Variants in ATP6V0A4 observed in about 807,000 individuals in gnomAD.
ATP6V0A4 encodes the protein ATPase H+ transporting V0 subunit a4.
Under a neutral mutation model 107.3 loss-of-function variants are expected in ATP6V0A4, and 86 were observed. The observed-to-expected ratio is 0.80, with a 90% CI of 0.67 to 0.96. ATP6V0A4 has a LOEUF of 0.96. Ranked by LOEUF, ATP6V0A4 falls within the 40% of genes least tolerant of loss-of-function variation. The pLI, the probability that ATP6V0A4 is intolerant of heterozygous loss-of-function variation, is 0.00. For missense variants in ATP6V0A4, 908 were observed against 1,045.6 expected, an observed-to-expected ratio of 0.87 and a Z score of 1.81; for synonymous variants, 353 against 381.4, an observed-to-expected ratio of 0.93 and a Z score of 0.87.
At chr7:138,785,002 G>A (rs1808114508) in intron 2 of ATP6V0A4, among the ~76,000 whole-genome samples, 1 of 152,122 alleles carries the variant, frequency 6.6e-6, no homozygotes, top group African/African-American at 2.4e-5. Flanking sequence ...CCCAGGATTA[G>A]GAAAATATTG....
chr7:138,711,484 C>T lies in ATP6V0A4; in HGVS notation c.2258-1689G>A, dbSNP rs192435800. Among the ~76,000 whole-genome samples, 4 of 152,062 alleles carry T rather than the reference C, an allele frequency of 2.6e-5. No individual in the cohort carries two copies. The East Asian group carries it at 7.7e-4, about 29-fold the overall frequency. ...TTGGCTTGAGATTTGAAGGCCCCTG[C>T]TAAAAGGTCACAATGATGTAGCCCA... On this transcript the variant is annotated intron_variant, in intron 20 of 21. Transcript: ENST00000310018.
chr7:138,715,837 G>C lies in ATP6V0A4; in HGVS notation c.2184C>G (p.Ile728Met), dbSNP rs776491136. 1.2e-6 allele frequency: 2 copies of C among 1,613,684 alleles called. No individual in the cohort carries two copies. Among genetic ancestry groups the C allele is most frequent in the African/African-American group, 1.3e-5 (1 of 74,924 alleles). ...TTGAAATGCAGCCCAGGCAGTACTC[G>C]ATGGTGTGGATGGCTTGGTGGACAA... ...DVFVHQAIHT[I>M]EYCLGCISNT... The change falls in exon 20 of 22, where the codon ATC becomes ATG. Residue 728 changes from isoleucine (I) to methionine (M), a missense_variant. Transcript: ENST00000310018.
At chr7:138,776,942 G>A (rs1227587007) in intron 2 of ATP6V0A4, among the ~76,000 whole-genome samples, 3 of 151,946 alleles carry the variant, frequency 2.0e-5, no homozygotes, top group Non-Finnish European at 2.9e-5. Context: ...GAGGCCAGGA[G>A]TTCGAGACCA....
At chr7:138,758,592 GCAA>G (rs1806623877) in intron 8 of ATP6V0A4, among the ~76,000 whole-genome samples, 1 of 152,170 alleles carries the variant, frequency 6.6e-6, no homozygotes, top group Non-Finnish European at 1.5e-5. Flanking sequence ...AGAATTCACA[GCAA>G]CAACTGTATG....
At position 138,773,341 on chromosome 7, in the gene ATP6V0A4, C is replaced by T. The variant is rs1032554613; in HGVS notation, c.-17-2077G>A. Among the ~76,000 whole-genome samples the T allele has an allele frequency of 6.6e-6, 1 of 152,138 alleles. No individual in the cohort carries two copies. The highest frequency in any genetic ancestry group is 6.6e-5 in the Admixed American group (1 of 15,264). Reference sequence around the variant, plus strand: ...ACTCAATATCCTCCTCTCCACCGTCCATCCCACGCCCCGCATGACCCTGTC... The same window carrying T: ...ACTCAATATCCTCCTCTCCACCGTCTATCCCACGCCCCGCATGACCCTGTC... On this transcript the variant is annotated intron_variant, in intron 2 of 21. Transcript: ENST00000310018. The surrounding 1 kb of genome is among the most constrained non-coding windows in gnomAD (Gnocchi z 5.4).
At chr7:138,707,272 TATTCTATATAATAATTATATTATAA>T (rs1803471407) in intron 21 of ATP6V0A4, among the ~76,000 whole-genome samples, 1 of 91,436 alleles carries the variant, frequency 1.1e-5, no homozygotes, top group South Asian at 2.6e-4. Flanking sequence ...TTATATTATA[TATTCTATATAATAATTATATTATAA>T]ATATATTTAT....
At chr7:138,720,634 T>C (rs1325225964) in intron 19 of ATP6V0A4, among the ~76,000 whole-genome samples, 1 of 151,238 alleles carries the variant, frequency 6.6e-6, no homozygotes, top group Non-Finnish European at 1.5e-5. Context: ...TTCTAATTAA[T>C]CAAGATAATT....
chr7:138,758,206 T>G (rs1416256607), intron 8 of ATP6V0A4, among the ~76,000 whole-genome samples: 1 of 152,164 alleles, frequency 6.6e-6, no homozygotes, highest in Non-Finnish European at 1.5e-5. Context: ...TTACGAAGGA[T>G]GCACAGTAAT....
At chr7:138,794,351 G>A (rs1808555796) in intron 1 of ATP6V0A4, among the ~76,000 whole-genome samples, 2 of 152,172 alleles carry the variant, frequency 1.3e-5, no homozygotes, top group South Asian at 2.1e-4. Flanking sequence ...GAGATGGACA[G>A]GTGGCAACGG....
At chr7:138,797,490 C>T (rs3823486) in intron 1 of ATP6V0A4, among the ~76,000 whole-genome samples, 9,979 of 151,750 alleles carry the variant, frequency 0.066, 338 homozygotes, top group South Asian at 0.086. Flanking sequence ...AGTGCTGGGA[C>T]TACAGGGTGA....
rs549813485 is a variant in ATP6V0A4 at position 138,753,895 on chromosome 7, A to G, written c.817-1058T>C. ...TATGCCTCAGCATCAGACAGTGTCT[A>G]AGATTCATCTTTGGCAGGGACTGAG... On this transcript the variant is annotated intron_variant, in intron 10 of 21. Transcript: ENST00000310018. 2.0e-5 allele frequency among the ~76,000 whole-genome samples: 3 copies of G among 152,302 alleles called. No individual in the cohort carries two copies. The South Asian group carries it at 6.2e-4, about 32-fold the overall frequency.
At chr7:138,750,895 T>A (rs371246682) in intron 11 of ATP6V0A4, among the ~76,000 whole-genome samples, 2 of 152,170 alleles carry the variant, frequency 1.3e-5, no homozygotes, top group African/African-American at 4.8e-5. Context: ...ACTTCTACTT[T>A]CTGTGCCTCC....
chr7:138,786,789 C>T (rs1257731287), intron 1 of ATP6V0A4, among the ~76,000 whole-genome samples: 3 of 152,118 alleles, frequency 2.0e-5, no homozygotes, highest in Non-Finnish European at 2.9e-5. Context: ...CCACCACACC[C>T]GGCGCTAGCC....
chr7:138,782,816 T>G lies in ATP6V0A4; in HGVS notation c.-18+3342A>C, dbSNP rs549941694. Reference sequence around the variant, plus strand: ...TTGGCTGGGCATGGTGGCTCACACCTGTAATCCCAGCATTTTGGGAGGCCG... The same window carrying G: ...TTGGCTGGGCATGGTGGCTCACACCGGTAATCCCAGCATTTTGGGAGGCCG... On this transcript the variant is annotated intron_variant, in intron 2 of 21. Coordinates refer to ENST00000310018, the MANE Select transcript of ATP6V0A4 (RefSeq NM_020632.3). 2.0e-4 allele frequency among the ~76,000 whole-genome samples: 31 copies of G among 152,294 alleles called. No homozygotes were observed. In the South Asian group the frequency reaches 6.4e-3, roughly 32 times the overall value.
In ATP6V0A4 at chr7:138,768,786, G is replaced by A; in HGVS notation, c.285C>T (p.Thr95=). 1.2e-6 allele frequency: 2 copies of A among 1,614,144 alleles called. No individual in the cohort carries two copies. The part of the protein sequence containing the change: ...PLTPLPREMI[T]LETVLEKLEG... Reference sequence around the variant, plus strand: ...AGCAAAGTGGAGAACTTACCTCCAGGGTAATCATTTCCCGTGGGAGCGGGG... The same window carrying A: ...AGCAAAGTGGAGAACTTACCTCCAGAGTAATCATTTCCCGTGGGAGCGGGG... The change falls in exon 5 of 22, where the codon ACC becomes ACT. Residue 95 remains threonine (T), a synonymous_variant. Transcript: ENST00000310018.
intron 11 of ATP6V0A4, among the ~76,000 whole-genome samples, chr7:138,750,808 G>A (rs917463212): frequency 9.9e-5 from 15 of 152,212 alleles, no homozygotes; most frequent in African/African-American, 3.6e-4. Context: ...GGACCATGAT[G>A]TGGGGGCATC....
At chr7:138,711,249 T>C (rs191351198) in intron 20 of ATP6V0A4, among the ~76,000 whole-genome samples, 1 of 152,246 alleles carries the variant, frequency 6.6e-6, no homozygotes, top group East Asian at 1.9e-4. Flanking sequence ...AGGGAGGTCA[T>C]GGATGGGGAT....
At position 138,740,447 on chromosome 7, in the gene ATP6V0A4, A is replaced by G. The variant is rs183908357; in HGVS notation, c.1479-814T>C. ...TTCTTTTTTTTTTTTTTTTTTGGAGACTGCGTTTCATTCTTGTTGCCCAGG... is the reference window on the plus strand; with the variant it reads ...TTCTTTTTTTTTTTTTTTTTTGGAGGCTGCGTTTCATTCTTGTTGCCCAGG... On this transcript the variant is annotated intron_variant, in intron 14 of 21. Transcript: ENST00000310018. Among the ~76,000 whole-genome samples, 456 of 126,256 alleles carry G rather than the reference A, an allele frequency of 3.6e-3. 2 individuals are homozygous for G. Among genetic ancestry groups the G allele is most frequent in the Non-Finnish European group, 6.0e-3 (369 of 61,860 alleles). The allele number at this position is 126,256 out of a possible 152,430, so 82.8% of individuals were successfully genotyped here.
intron 18 of ATP6V0A4, among the ~76,000 whole-genome samples, chr7:138,725,982 T>G (rs1804691535): frequency 2.4e-5 from 1 of 40,928 alleles, no homozygotes; most frequent in South Asian, 5.7e-4. Context: ...TGAAATGAAG[T>G]TTATTTATTT....
Sources: allele counts gnomAD v4.1 joint callset (sites outside exome capture counted in the v4.1 genomes callset), GRCh38; gene constraint gnomAD v4.1.1; non-coding constraint Gnocchi (gnomAD v3.1); transcripts MANE v1.5; gene names NCBI Gene and HGNC (gene_info 2026-07-23, HGNC 2026-07-21).